Variants in TBC1D26 observed in about 807,000 individuals in gnomAD.
The protein encoded by TBC1D26 is TBC1 domain family member 26.
TBC1D26 carries 19 observed loss-of-function variants against 42.5 expected under a neutral mutation model. That is an observed-to-expected ratio of 0.45 (90% CI 0.31 to 0.66). The LOEUF is 0.66. TBC1D26 is among the 30% of genes least tolerant of loss of function. The pLI is 0.06. For synonymous variants in TBC1D26, 97 were observed against 123.5 expected (o/e 0.79, Z 1.42); for missense variants, 228 against 332.6 (o/e 0.69, Z 2.45).
At chr17:15,742,164 C>A in intron 11 of TBC1D26, 128 bp downstream of exon 11, 1 of 761,012 alleles carries the variant, frequency 1.3e-6, no homozygotes, top group Non-Finnish European at 2.1e-6. Flanking sequence ...GATGGGGATT[C>A]CCCATGGATT....
At chr17:15,741,891 C>T (rs774027640) in intron 10 of TBC1D26, 51 bp from the exon 11 acceptor site, 132 of 1,590,174 alleles carry the variant, frequency 8.3e-5, no homozygotes, top group Non-Finnish European at 1.1e-4. Flanking sequence ...GCTGATGCCT[C>T]CACATTTTGG....
At position 15,738,741 on chromosome 17, in the gene TBC1D26, G is replaced by A. The variant is rs373524787; in HGVS notation, c.408G>A (p.Lys136=). 175 of 1,613,926 alleles carry A rather than the reference G, an allele frequency of 1.1e-4. No individual in the cohort carries two copies. The African/African-American group carries it at 2.2e-3, about 21-fold the overall frequency. The change falls in exon 8 of 15, where the codon AAG becomes AAA. Residue 136 remains lysine (K), a synonymous_variant. Transcript: ENST00000437605. ...GKYKVMKEKG[K]RSSRIIHCIQ... is the part of the protein sequence containing the mutation. ...TACAGGTCATGAAGGAGAAGGGCAA[G>A]AGGTCCTCCAGAATCATCCACTGCA...
rs1438339288 is a variant in TBC1D26, at chr17:15,738,729, G to A, written c.396G>A (p.Lys132=). 1.2e-6 allele frequency: 2 copies of A among 1,613,866 alleles called. No homozygotes were observed. The highest frequency in any genetic ancestry group is 1.7e-6 in the Non-Finnish European group (2 of 1,179,884). The change falls in exon 8 of 15, where the codon AAG becomes AAA. Residue 132 remains lysine, a synonymous_variant. Coordinates refer to ENST00000437605, the MANE Select transcript of TBC1D26 (RefSeq NM_001388465.1). The part of the protein sequence containing the change: ...SQNPGKYKVM[K]EKGKRSSRII... ...TTGGCCCTGCCCTACAGGTCATGAA[G>A]GAGAAGGGCAAGAGGTCCTCCAGAA...
rs921117130 is a variant in TBC1D26, at chr17:15,740,045, A to G, written c.498-55A>G. ...TATTTGGGTTTGTAGACAAAATGAA[A>G]TTGACAGCGTCTGCACACACACAAA... On this transcript the variant is annotated intron_variant, in intron 8 of 14. Coordinates refer to ENST00000437605, the MANE Select transcript of TBC1D26 (RefSeq NM_001388465.1). 40 of 1,568,276 alleles carry G rather than the reference A, an allele frequency of 2.6e-5. No individual in the cohort carries two copies. The African/African-American group carries it at 5.1e-4, about 20-fold the overall frequency.
chr17:15,741,740 G>A (rs1412360168), intron 10 of TBC1D26: 2 of 576,848 alleles, frequency 3.5e-6, no homozygotes, highest in African/African-American at 1.9e-5. Flanking sequence ...TGCCCTCCTG[G>A]CACCTGGACC....
chr17:15,733,503 T>A lies in TBC1D26; in HGVS notation c.-143+1119T>A, dbSNP rs144243188. Among the ~76,000 whole-genome samples, 967 of 152,244 alleles carry A rather than the reference T, an allele frequency of 6.4e-3. 13 individuals carry two copies. Among genetic ancestry groups the A allele is most frequent in the African/African-American group, 0.022 (911 of 41,552 alleles). ...TCTGCATCTTCAGGACTGCCCCGTG[T>A]GGGGAGTTCTGAGGTTGGGGAGGAC... On this transcript the variant is annotated intron_variant, in intron 1 of 14. Transcript: ENST00000437605.
At position 15,741,488 on chromosome 17, in the gene TBC1D26, C is replaced by T. The variant is rs1597757811; in HGVS notation, c.646+267C>T. ...CCTCCCCCTGGCTGCCCTCTGTCGT[C>T]CGAAGCCAGCCCCAACTTTGTGCAG... On this transcript the variant is annotated intron_variant, in intron 10 of 14. Transcript: ENST00000437605. The T allele has an allele frequency of 5.6e-6, 3 of 539,578 alleles. No homozygotes were observed. In the East Asian group the frequency reaches 1.0e-4, roughly 19 times the overall value. The allele number at this position is 539,578 out of a possible 1,614,324, so 33.4% of individuals were successfully genotyped here. A position where few individuals can be genotyped will look rare whatever the true frequency, so the allele number is the denominator to read the frequency against.
intron 9 of TBC1D26, chr17:15,740,646 G>A: frequency 9.3e-7 from 1 of 1,080,308 alleles, no homozygotes; most frequent in Non-Finnish European, 1.1e-6. Context: ...TCCAGGCAGG[G>A]AGAGCTGCTG....
chr17:15,733,227 G>A (rs1428162470), intron 1 of TBC1D26, among the ~76,000 whole-genome samples: 1 of 151,676 alleles, frequency 6.6e-6, no homozygotes, highest in Non-Finnish European at 1.5e-5. Flanking sequence ...AAGCCTGGCC[G>A]GCAGGGGTCT....
In TBC1D26 at chr17:15,742,469, T is replaced by C. The variant is rs563236393; in HGVS notation, c.797T>C (p.Phe266Ser). 4.7e-5 allele frequency: 11 copies of C among 233,316 alleles called. No homozygotes were observed. The highest frequency in any genetic ancestry group is 2.6e-4 in the African/African-American group (11 of 42,686). 14.5% of individuals were successfully genotyped at this position (233,316 alleles called of 1,614,324 possible). ...ATGCTGACGAGGCTCCTCCGGTGTT[T>C]CCTTGATGGGGTAAGGAGGCACAGG... is the stretch of plus-strand genomic sequence containing the variant. ...GSMLTRLLRC[F>S]LDGKSFGLTL... is the part of the protein sequence containing the mutation. The change falls in exon 12 of 15, where the codon TTC becomes TCC. Residue 266 changes from phenylalanine to serine, a missense_variant. By Grantham distance (155) the Phe-to-Ser change is radical (BLOSUM62 -2). Transcript: ENST00000437605.
chr17:15,742,271 G>C (rs1480751994), intron 11 of TBC1D26, 143 bp from the exon 12 acceptor site: 2 of 544,246 alleles, frequency 3.7e-6, no homozygotes, highest in Non-Finnish European at 6.6e-6. Context: ...TGTGTCCACC[G>C]GGCGTCCGTG....
rs1203421673 is a variant in TBC1D26, at chr17:15,738,335, C to G, written c.335C>G (p.Ser112Ter). ...CTGGCGGTACGGGGCCGGGCGTGGT[C>G]ACTTTTGCTAGATATTGACAGAATC... ...IPLAVRGRAWSLLLDIDRIKS... is the reference protein window; with the variant it reads ...IPLAVRGRAW The change falls in exon 7 of 15, where the codon TCA becomes TGA. Residue 112 changes from serine to a stop codon, truncating the protein, a stop_gained. Coordinates refer to ENST00000437605, the MANE Select transcript of TBC1D26 (RefSeq NM_001388465.1). LOFTEE classifies it high-confidence loss of function. The G allele has an allele frequency of 6.8e-6, 11 of 1,613,586 alleles. No homozygotes were observed. Among genetic ancestry groups the G allele is most frequent in the Non-Finnish European group, 9.3e-6 (11 of 1,180,040 alleles).
intron 5 of TBC1D26, 122 bp downstream of exon 5, chr17:15,737,645 G>GA: frequency 9.0e-7 from 1 of 1,111,410 alleles, no homozygotes; most frequent in Admixed American, 2.6e-5. Flanking sequence ...CTGTCACTGG[G>GA]AGGGGTGGCC....
chr17:15,738,219 C>T lies in TBC1D26; in HGVS notation c.280-61C>T, dbSNP rs1005830110. On this transcript the variant is annotated intron_variant, in intron 6 of 14. Transcript: ENST00000437605. ...GCCATAGGACTGCAGGCCTGTTCGC[C>T]AGCTTTGCTCTGCGGGGTCGCCCCA... 13 of 1,608,364 alleles carry T rather than the reference C, an allele frequency of 8.1e-6. No homozygotes were observed. In the Admixed American group the frequency reaches 1.8e-4, roughly 23 times the overall value.
At chr17:15,733,590 T>G (rs968174618) in intron 1 of TBC1D26, 19 of 152,272 alleles carry the variant, frequency 1.2e-4, no homozygotes, top group Admixed American at 2.6e-4. Flanking sequence ...TAAGACTTGA[T>G]GAGCACTTGG....
At chr17:15,732,840 G>C (rs1967518810) in intron 1 of TBC1D26, among the ~76,000 whole-genome samples, 1 of 152,208 alleles carries the variant, frequency 6.6e-6, no homozygotes, top group South Asian at 2.1e-4. Context: ...CACCAACTCA[G>C]ACTTCACGTG....
rs1456615283 is a variant in TBC1D26, at chr17:15,741,348, T to A, written c.646+127T>A. 3.3e-6 allele frequency: 5 copies of A among 1,536,380 alleles called. No individual in the cohort carries two copies. In the African/African-American group the frequency reaches 5.4e-5, roughly 17 times the overall value. ...AAGGTGCCTGCCTTGTATCCCAGCTTGTTTGGAGCCTCCAGGATGTCCCTG... is the reference window on the plus strand; with the variant it reads ...AAGGTGCCTGCCTTGTATCCCAGCTAGTTTGGAGCCTCCAGGATGTCCCTG... On this transcript the variant is annotated intron_variant, in intron 10 of 14. Transcript: ENST00000437605.
chr17:15,742,619 A>T, intron 12 of TBC1D26, 140 bp downstream of exon 12: 1 of 169,926 alleles, frequency 5.9e-6, no homozygotes, highest in Non-Finnish European at 1.2e-5. Context: ...CCCATGGCAG[A>T]GGCCAGGGCT....
chr17:15,737,925 T>C, intron 5 of TBC1D26, 72 bp from the exon 6 acceptor site: 11 of 1,606,384 alleles, frequency 6.8e-6, no homozygotes, highest in South Asian at 1.1e-5. Context: ...CCCAAAGCCC[T>C]GGACCCAGCA....
Sources: allele counts gnomAD v4.1 joint callset (sites outside exome capture counted in the v4.1 genomes callset), GRCh38; gene constraint gnomAD v4.1.1; transcripts MANE v1.5; gene names NCBI Gene and HGNC (gene_info 2026-07-23, HGNC 2026-07-21).